ELMO1: variants seen among roughly 807,000 people sequenced by gnomAD.
The protein encoded by ELMO1 is engulfment and cell motility 1, also known as engulfment and cell motility protein 1.
ELMO1 carries 26 observed loss-of-function variants against 98.9 expected under a neutral mutation model. That is an observed-to-expected ratio of 0.26 (90% CI 0.19 to 0.36). The LOEUF is 0.36. Among genes scored for constraint, ELMO1 ranks in the 10% least tolerant of loss-of-function variants. ELMO1 has a pLI of 1.00. For synonymous variants in ELMO1, 346 were observed against 346.0 expected, an observed-to-expected ratio of 1.00 and a Z score of 0.00; for missense variants, 627 against 935.2, an observed-to-expected ratio of 0.67 and a Z score of 4.30.
Position 37,100,950 on chromosome 7 carries a change from G to A in ELMO1, c.1192-4223C>T, listed in dbSNP as rs11976922. 7.4e-3 allele frequency among the ~76,000 whole-genome samples: 1,129 copies of A among 152,314 alleles called. 13 individuals carry two copies. Among genetic ancestry groups the A allele is most frequent in the African/African-American group, 0.026 (1,072 of 41,566 alleles). On this transcript the variant is annotated intron_variant, in intron 14 of 21. Coordinates refer to ENST00000310758, the MANE Select transcript of ELMO1 (RefSeq NM_014800.11). Reference sequence around the variant, plus strand: ...ATAAAACCCAATTCATGGGACTGTCGTGCATATCAACTCACACAACAAAGG... The same window carrying A: ...ATAAAACCCAATTCATGGGACTGTCATGCATATCAACTCACACAACAAAGG...
rs185292002 is a variant in ELMO1, at chr7:37,014,349, C to T, written c.1301-914G>A. ...AGGTTTGTGACCCCCAGAACCAATA[C>T]CCTAAGGTTTTTAAAAAATAAATAT... On this transcript the variant is annotated intron_variant, in intron 15 of 21. Coordinates refer to ENST00000310758, the MANE Select transcript of ELMO1 (RefSeq NM_014800.11). Among the ~76,000 whole-genome samples, 99 of 152,140 alleles carry T rather than the reference C, an allele frequency of 6.5e-4. No homozygotes were observed. The South Asian group carries it at 0.02, about 30-fold the overall frequency.
intron 16 of ELMO1, among the ~76,000 whole-genome samples, chr7:36,984,171 C>T (rs897671575): frequency 2.0e-5 from 3 of 152,166 alleles, no homozygotes; most frequent in African/African-American, 4.8e-5. Flanking sequence ...TCCTCAAAAT[C>T]GAGCATCGAG....
intron 7 of ELMO1, 52 bp downstream of exon 7, chr7:37,244,304 A>C: frequency 1.3e-6 from 2 of 1,584,292 alleles, no homozygotes; most frequent in Non-Finnish European, 1.7e-6. Context: ...TCAATTATGC[A>C]GGAAAGTAGG....
chr7:36,995,414 A>G (rs1173030188), intron 16 of ELMO1, among the ~76,000 whole-genome samples: 2 of 152,064 alleles, frequency 1.3e-5, no homozygotes, highest in Non-Finnish European at 2.9e-5. Flanking sequence ...AGGCTGAGGC[A>G]GGAGAATCGC....
At chr7:37,051,443 G>A (rs1455208719) in intron 15 of ELMO1, among the ~76,000 whole-genome samples, 1 of 152,218 alleles carries the variant, frequency 6.6e-6, no homozygotes, top group Non-Finnish European at 1.5e-5. Context: ...TTATGAGACA[G>A]TATGAATTAT....
intron 13 of ELMO1, among the ~76,000 whole-genome samples, chr7:37,184,347 C>T (rs1791065541): frequency 6.6e-6 from 1 of 152,156 alleles, no homozygotes. Flanking sequence ...GAGTAGGCTC[C>T]ATGCATGTGT....
intron 16 of ELMO1, among the ~76,000 whole-genome samples, chr7:36,905,521 G>C (rs887786608): frequency 6.6e-6 from 1 of 152,206 alleles, no homozygotes; most frequent in African/African-American, 2.4e-5. Flanking sequence ...AAGATGCTAG[G>C]AATGGTTAGC....
At chr7:37,330,861 G>A (rs1800065553) in intron 2 of ELMO1, among the ~76,000 whole-genome samples, 1 of 152,088 alleles carries the variant, frequency 6.6e-6, no homozygotes, top group Non-Finnish European at 1.5e-5. Flanking sequence ...ACATTTTGAA[G>A]CCATTATTAA....
intron 1 of ELMO1, among the ~76,000 whole-genome samples, chr7:37,384,312 T>A (rs1368589760): frequency 6.6e-6 from 1 of 152,184 alleles, no homozygotes; most frequent in South Asian, 2.1e-4. Flanking sequence ...TCAAACAAGA[T>A]TAATGAGGTG....
rs891370162 is a variant in ELMO1, at chr7:37,042,574, T to C, written c.1301-29139A>G. ...TAATTCCAGGTAGGGACTGGGAATA[T>C]GTATGGAAAAGATGCAGGCTCTATC... On this transcript the variant is annotated intron_variant, in intron 15 of 21. Transcript: ENST00000310758. Among the ~76,000 whole-genome samples the C allele has an allele frequency of 5.3e-5, 8 of 152,300 alleles. No individual in the cohort carries two copies. The East Asian group carries it at 1.5e-3, about 29-fold the overall frequency.
chr7:37,216,852 AT>A (rs145031529), intron 10 of ELMO1, among the ~76,000 whole-genome samples, 157 bp from the exon 11 acceptor site: 1,759 of 152,284 alleles, frequency 0.012, 40 homozygotes, highest in African/African-American at 0.04. Flanking sequence ...TATTCAAATT[AT>A]TTTTTTGACT....
intron 1 of ELMO1, among the ~76,000 whole-genome samples, chr7:37,388,136 C>G (rs934204631): frequency 2.0e-5 from 3 of 152,182 alleles, no homozygotes; most frequent in African/African-American, 7.2e-5. Flanking sequence ...CATCTAGTAA[C>G]AATCTGTGGA....
intron 13 of ELMO1, among the ~76,000 whole-genome samples, chr7:37,147,995 AG>A (rs1396854625): frequency 6.6e-6 from 1 of 152,180 alleles, no homozygotes; most frequent in African/African-American, 2.4e-5. Flanking sequence ...GTGCCACTAC[AG>A]AAACAGGAAT....
intron 13 of ELMO1, among the ~76,000 whole-genome samples, chr7:37,182,020 T>TAA (rs1269630920): frequency 4.8e-5 from 1 of 20,816 alleles, no homozygotes; most frequent in East Asian, 7.8e-4. Flanking sequence ...CCCTCTCAAA[T>TAA]AAGAAAAAAA....
intron 1 of ELMO1, among the ~76,000 whole-genome samples, chr7:37,347,512 ATGGTAT>A (rs1801063182): frequency 2.1e-5 from 1 of 48,180 alleles, no homozygotes; most frequent in South Asian, 8.9e-4. Context: ...TACTATTCTT[ATGGTAT>A]TCTTATTCTT....
At position 36,963,433 on chromosome 7, in the gene ELMO1, T is replaced by A. The variant is rs1374757101; in HGVS notation, c.1437+49866A>T. ...TAAATAAATAAAGGCATCTTTGAAC[T>A]GCATGTCTTGATGTGAAAAGAAGTG... On this transcript the variant is annotated intron_variant, in intron 16 of 21. Transcript: ENST00000310758. 2.0e-5 allele frequency among the ~76,000 whole-genome samples: 3 copies of A among 152,024 alleles called. No individual in the cohort carries two copies. The East Asian group carries it at 5.8e-4, about 29-fold the overall frequency.
intron 4 of ELMO1, among the ~76,000 whole-genome samples, chr7:37,292,748 C>T (rs1179959045): frequency 5.0e-5 from 5 of 100,454 alleles, no homozygotes; most frequent in East Asian, 2.9e-4. Flanking sequence ...GGGGGGTCAG[C>T]CCCCCGCCCG....
intron 13 of ELMO1, among the ~76,000 whole-genome samples, chr7:37,193,350 C>T (rs1178185808): frequency 1.3e-5 from 2 of 152,056 alleles, no homozygotes; most frequent in African/African-American, 2.4e-5. Flanking sequence ...CTATGATCTG[C>T]CTAACATTTT....
chr7:36,899,418 G>A (rs946545300), intron 16 of ELMO1, among the ~76,000 whole-genome samples: 2 of 152,170 alleles, frequency 1.3e-5, no homozygotes, highest in Admixed American at 6.5e-5. Flanking sequence ...AGGTGAAGAA[G>A]AGGGAGAAGG....
Sources: gnomAD v4.1 joint callset for allele counts (sites outside exome capture counted in the v4.1 genomes callset) on GRCh38, gnomAD v4.1.1 for gene constraint, MANE v1.5 for transcripts, NCBI Gene and HGNC (gene_info 2026-07-23, HGNC 2026-07-21) for gene names.